RBL2: variants seen among roughly 807,000 people sequenced by gnomAD.
RBL2 encodes retinoblastoma-like protein 2.
In RBL2, 56 loss-of-function variants were observed where a neutral mutation model predicts 126.0. The observed-to-expected ratio is 0.44, with a 90% confidence interval of 0.36 to 0.56. RBL2 has a LOEUF of 0.56. Ranked by LOEUF, RBL2 falls within the 20% of genes least tolerant of loss-of-function variation. The pLI is 0.00. For synonymous variants in RBL2, 454 were observed against 478.5 expected (o/e 0.95, Z 0.67); for missense variants, 1,229 against 1,398.2 (o/e 0.88, Z 1.93).
chr16:53,459,551 G>T lies in RBL2; in HGVS notation c.1280G>T (p.Ser427Ile), dbSNP rs1454488288. 6.2e-7 allele frequency: 1 copy of T among 1,609,332 alleles called. No individual in the cohort carries two copies. The highest frequency in any genetic ancestry group is 8.5e-7 in the Non-Finnish European group (1 of 1,178,686). ...TPVSTATHSL[S>I]RLHTMLTGLR... The stretch of plus-strand genomic sequence containing the variant: ...GTTTCTACAGCTACGCATAGCTTGA[G>T]TCGTCTTCACACCATGCTGACAGGC... Residue 427 changes from serine (S) to isoleucine (I), a missense_variant, in exon 9 of 22, where the codon AGT becomes ATT. By Grantham distance (142) the Ser-to-Ile change is moderately radical. This residue lies in a region of RBL2 where 1,070 missense variants were observed against 1,274.3 expected (regional missense o/e 0.84). Coordinates refer to ENST00000262133, the MANE Select transcript of RBL2 (RefSeq NM_005611.4).
Position 53,464,324 on chromosome 16 carries a change from T to G in RBL2, c.1659T>G (p.Ile553Met). Residue 553 changes from isoleucine (I) to methionine (M), a missense_variant, in exon 12 of 22, where the codon ATT becomes ATG. Ile to Met is a conservative substitution (Grantham distance 10, BLOSUM62 1). Around this residue, in one of 2 missense-constraint regions of RBL2, gnomAD observed 1,070 missense variants for 1,274.3 expected, o/e 0.84. Coordinates refer to ENST00000262133, the MANE Select transcript of RBL2 (RefSeq NM_005611.4). ...SYKPPGNFPF[I>M]TEIFDVPLYH... ...AGCCTCCTGGGAATTTTCCATTTAT[T>G]ACTGAAATATTTGATGTGCCTCTTT... is the stretch of plus-strand genomic sequence containing the variant. 1 of 1,582,774 alleles carries G rather than the reference T, an allele frequency of 6.3e-7. No homozygotes were observed. Among genetic ancestry groups the G allele is most frequent in the Non-Finnish European group, 8.7e-7 (1 of 1,152,638 alleles).
chr16:53,460,761 G>A (rs933246657), intron 9 of RBL2, among the ~76,000 whole-genome samples: 2 of 152,000 alleles, frequency 1.3e-5, no homozygotes, highest in African/African-American at 4.8e-5. Context: ...TCTCTAGCAG[G>A]ACTGTAATTG....
At chr16:53,487,935 CT>C (rs1452401775) in intron 21 of RBL2, 1 of 152,232 alleles carries the variant, frequency 6.6e-6, no homozygotes, top group African/African-American at 2.4e-5. Flanking sequence ...ATCGTAAGTT[CT>C]GACAACAATG....
intron 8 of RBL2, among the ~76,000 whole-genome samples, chr16:53,455,947 C>G (rs2058163024): frequency 6.6e-6 from 1 of 152,042 alleles, no homozygotes; most frequent in Admixed American, 6.6e-5. Context: ...AGGCAGAAGA[C>G]TGCCTGAGCC....
intron 5 of RBL2, among the ~76,000 whole-genome samples, chr16:53,452,358 C>T (rs1434396842): frequency 6.6e-6 from 1 of 152,034 alleles, no homozygotes; most frequent in African/African-American, 2.4e-5. Flanking sequence ...GTTACAAGCC[C>T]AAATTATGAT....
chr16:53,461,089 T>C (rs964817585), intron 9 of RBL2, among the ~76,000 whole-genome samples: 2 of 152,150 alleles, frequency 1.3e-5, no homozygotes, highest in African/African-American at 4.8e-5. Flanking sequence ...AGGGAAATAG[T>C]TAAGGGCAAG....
chr16:53,489,826 T>C (rs1961338583), intron 21 of RBL2: 1 of 219,644 alleles, frequency 4.6e-6, no homozygotes, highest in African/African-American at 2.3e-5. Flanking sequence ...GCTCCCTAAT[T>C]GTAAAAAAAA....
Position 53,434,562 on chromosome 16 carries a change from G to T in RBL2, c.6G>T (p.Pro2=), listed in dbSNP as rs186100611. 4.0e-5 allele frequency: 60 copies of T among 1,517,390 alleles called. No homozygotes were observed. In the African/African-American group the frequency reaches 8.2e-4, roughly 21 times the overall value. 94.0% of individuals were successfully genotyped at this position (1,517,390 alleles called of 1,614,324 possible). A position where few individuals can be genotyped will look rare whatever the true frequency, so the allele number is the denominator to read the frequency against. The change falls in exon 1 of 22, where the codon CCG becomes CCT. Residue 2 remains proline, a synonymous_variant. Coordinates refer to ENST00000262133, the MANE Select transcript of RBL2 (RefSeq NM_005611.4). ...CGGCCGCCCAGGGGTGCGCTATGCC[G>T]TCGGGAGGTGACCAGTCGCCACCGC... The part of the protein sequence containing the change: M[P]SGGDQSPPPP...
intron 11 of RBL2, among the ~76,000 whole-genome samples, chr16:53,463,036 T>C (rs557811531): frequency 6.3e-4 from 96 of 152,184 alleles, no homozygotes; most frequent in African/African-American, 2.2e-3. Context: ...AGATGGGGTT[T>C]TGCCATGTTG....
chr16:53,462,804 C>T, intron 11 of RBL2, 149 bp downstream of exon 11: 1 of 576,120 alleles, frequency 1.7e-6, no homozygotes, highest in Non-Finnish European at 3.0e-6. Flanking sequence ...TATTTTTTCA[C>T]TAGTTGCCTG....
chr16:53,439,298 CCTTT>C, intron 2 of RBL2, 152 bp downstream of exon 2: 1 of 596,936 alleles, frequency 1.7e-6, no homozygotes, highest in Non-Finnish European at 2.5e-6. Context: ...TAATGATTTT[CCTTT>C]CTTTATATCA....
chr16:53,461,880 A>G (rs201681995), intron 10 of RBL2, 30 bp downstream of exon 10: 396 of 1,553,470 alleles, frequency 2.5e-4, no homozygotes, highest in Non-Finnish European at 3.0e-4. Context: ...TTCTGCTTTT[A>G]TGTTTGAAGT....
At position 53,465,421 on chromosome 16, in the gene RBL2, G is replaced by T. The variant is rs778735116; in HGVS notation, c.1699-17G>T. On this transcript the variant is annotated splice_polypyrimidine_tract_variant and intron_variant, in intron 12 of 21. Coordinates refer to ENST00000262133, the MANE Select transcript of RBL2 (RefSeq NM_005611.4). ...ATTTAATAATTATTCAGTGAACCAA[G>T]ACATTTTTTATTTCAGGTGATAGAA... The T allele has an allele frequency of 2.2e-6, 3 of 1,380,190 alleles. No individual in the cohort carries two copies. Among genetic ancestry groups the T allele is most frequent in the Non-Finnish European group, 2.8e-6 (3 of 1,054,822 alleles). 85.5% of individuals were successfully genotyped at this position (1,380,190 alleles called of 1,614,324 possible).
chr16:53,457,277 T>TTTTTTTTTTTTTG (rs1213898728), intron 8 of RBL2, among the ~76,000 whole-genome samples: 1 of 139,884 alleles, frequency 7.1e-6, no homozygotes, highest in Non-Finnish European at 1.6e-5. Flanking sequence ...TTTTTTTTTT[T>TTTTTTTTTTTTTG]GAGATGGAGT....
At chr16:53,452,361 A>G (rs1324430177) in intron 5 of RBL2, among the ~76,000 whole-genome samples, 1 of 152,232 alleles carries the variant, frequency 6.6e-6, no homozygotes, top group Non-Finnish European at 1.5e-5. Flanking sequence ...ACAAGCCCAA[A>G]TTATGATTTA....
chr16:53,452,534 G>C (rs747038837), intron 5 of RBL2, among the ~76,000 whole-genome samples: 10 of 152,236 alleles, frequency 6.6e-5, no homozygotes, highest in Non-Finnish European at 1.3e-4. Context: ...GTGGAGTTCA[G>C]TTGCTCCTGG....
At chr16:53,447,846 T>C (rs780837464) in intron 4 of RBL2, among the ~76,000 whole-genome samples, 14 of 152,134 alleles carry the variant, frequency 9.2e-5, no homozygotes, top group Non-Finnish European at 1.3e-4. Flanking sequence ...GGTTTCACCA[T>C]GTTGGCCAGG....
chr16:53,490,035 AG>A (rs58728198), intron 21 of RBL2, 94 bp from the exon 22 acceptor site: 432,768 of 972,334 alleles, frequency 0.45, 99,820 homozygotes, highest in African/African-American at 0.58. Flanking sequence ...AAACTCTTCC[AG>A]GGTAAACTGC....
intron 1 of RBL2, 113 bp downstream of exon 1, chr16:53,434,909 G>C: frequency 7.3e-7 from 1 of 1,366,586 alleles, no homozygotes; most frequent in Non-Finnish European, 9.5e-7. Flanking sequence ...TCCCAGCCCC[G>C]AGAGGGGTGG....
Sources: allele counts gnomAD v4.1 joint callset (sites outside exome capture counted in the v4.1 genomes callset), GRCh38; gene constraint gnomAD v4.1.1; regional missense constraint gnomAD v4.1.1; transcripts MANE v1.5; gene names NCBI Gene and HGNC (gene_info 2026-07-23, HGNC 2026-07-21).